P2RX1: variants seen among roughly 807,000 people sequenced by gnomAD.
The protein encoded by P2RX1 is purinergic receptor P2X 1, also known as P2X purinoceptor 1.
Under a neutral mutation model 50.3 loss-of-function variants are expected in P2RX1, and 42 were observed. The ratio of observed to expected loss-of-function variants is 0.83; its 90% CI spans 0.65 to 1.08. The LOEUF (loss-of-function observed/expected upper bound fraction) is 1.08. P2RX1 is among the 50% of genes least tolerant of loss of function. P2RX1 has a pLI of 0.00. For missense variants in P2RX1, 449 were observed against 529.0 expected (o/e 0.85, Z 1.48); for synonymous variants, 199 against 202.6 (o/e 0.98, Z 0.15).
intron 1 of P2RX1, among the ~76,000 whole-genome samples, chr17:3,912,728 T>C (rs1280368562): frequency 1.3e-5 from 2 of 152,134 alleles, no homozygotes; most frequent in Admixed American, 6.5e-5. Context: ...CTCTCTCCAT[T>C]CCATGTCCCA....
At chr17:3,904,582 C>T (rs963356005) in intron 3 of P2RX1, 183 bp from the exon 4 acceptor site, 14 of 661,102 alleles carry the variant, frequency 2.1e-5, no homozygotes, top group African/African-American at 5.4e-5. Flanking sequence ...AGGCGCCCCC[C>T]GGGCTCATGC....
At chr17:3,901,325 C>T (rs2056140930) in intron 7 of P2RX1, among the ~76,000 whole-genome samples, 1 of 152,222 alleles carries the variant, frequency 6.6e-6, no homozygotes, top group South Asian at 2.1e-4. Context: ...CCTTGGCCTC[C>T]CAAAGTGCTG....
chr17:3,904,955 T>TGG, intron 2 of P2RX1, 26 bp from the exon 3 acceptor site: 1 of 152,494 alleles, frequency 6.6e-6, no homozygotes, highest in Admixed American at 1.0e-4. Context: ...AGGGGGAGGG[T>TGG]GGGGTGGGCT....
chr17:3,911,948 A>G (rs1262041503), intron 1 of P2RX1, among the ~76,000 whole-genome samples: 1 of 152,216 alleles, frequency 6.6e-6, no homozygotes, highest in East Asian at 1.9e-4. Flanking sequence ...CCGGCCAATA[A>G]GAATTGAACC....
intron 1 of P2RX1, among the ~76,000 whole-genome samples, chr17:3,908,955 A>G (rs1363520042): frequency 6.6e-6 from 1 of 152,214 alleles, no homozygotes; most frequent in Non-Finnish European, 1.5e-5. Flanking sequence ...TTAAGTGTTT[A>G]GTGAGGCTCT....
At chr17:3,912,622 C>T (rs1347875727) in intron 1 of P2RX1, among the ~76,000 whole-genome samples, 1 of 152,234 alleles carries the variant, frequency 6.6e-6, no homozygotes, top group East Asian at 1.9e-4. Flanking sequence ...TGAGCCAACG[C>T]ACCCGGCCCA....
chr17:3,912,191 T>A (rs2056377012), intron 1 of P2RX1, among the ~76,000 whole-genome samples: 2 of 152,078 alleles, frequency 1.3e-5, no homozygotes, highest in Admixed American at 1.3e-4. Flanking sequence ...TCATCCCCTC[T>A]CCCCTCTAAA....
In P2RX1 at chr17:3,898,989, T is replaced by C; in HGVS notation, c.911A>G (p.Tyr304Cys). The C allele has an allele frequency of 6.2e-7, 1 of 1,613,186 alleles. No homozygotes were observed. The highest frequency in any genetic ancestry group is 8.5e-7 in the Non-Finnish European group (1 of 1,179,750). The change falls in exon 9 of 12, where the codon TAC becomes TGC. Residue 304 changes from tyrosine to cysteine, a missense_variant. Transcript: ENST00000225538. ...ARHFVENGTNYRHLFKVFGIR... is the reference protein window; with the variant it reads ...ARHFVENGTNCRHLFKVFGIR... ...CCCAAACACCTTGAAGAGGTGACGG[T>C]AGTTGGTCCCGTTCTCCACAAAGTG...
Position 3,908,345 on chromosome 17 carries a change from G to T in P2RX1, c.138-2978C>A, listed in dbSNP as rs370509973. Among the ~76,000 whole-genome samples the T allele has an allele frequency of 1.0e-3, 158 of 152,306 alleles. 3 individuals are homozygous for T. In the East Asian group the frequency reaches 0.021, roughly 20 times the overall value. On this transcript the variant is annotated intron_variant, in intron 1 of 11. Transcript: ENST00000225538. Reference sequence around the variant, plus strand: ...GGAGGCCAAGGCAGGTGGATCACCTGAGGTCAGGAGTTCAAGACCAGCTTG... The same window carrying T: ...GGAGGCCAAGGCAGGTGGATCACCTTAGGTCAGGAGTTCAAGACCAGCTTG...
intron 1 of P2RX1, among the ~76,000 whole-genome samples, chr17:3,911,285 G>A (rs2056357980): frequency 6.7e-6 from 1 of 149,912 alleles, no homozygotes; most frequent in Non-Finnish European, 1.5e-5. Context: ...ATGGCACCCG[G>A]TCTGTTTTTC....
intron 7 of P2RX1, among the ~76,000 whole-genome samples, chr17:3,901,361 C>T (rs2056143276): frequency 1.3e-5 from 2 of 152,218 alleles, no homozygotes; most frequent in South Asian, 2.1e-4. Context: ...GCCACCGCAC[C>T]CAGCCCTGAT....
rs180737756 is a variant in P2RX1, at chr17:3,901,359, A to G, written c.748-1598T>C. Among the ~76,000 whole-genome samples the G allele has an allele frequency of 2.3e-3, 348 of 152,184 alleles. 2 individuals carry two copies. Among genetic ancestry groups the G allele is most frequent in the South Asian group, 0.022 (105 of 4,820 alleles). ...TGGGATTACAGGCGTGAGCCACCGCACCCAGCCCTGATGACAGGGAGATTT... is the reference window on the plus strand; with the variant it reads ...TGGGATTACAGGCGTGAGCCACCGCGCCCAGCCCTGATGACAGGGAGATTT... On this transcript the variant is annotated intron_variant, in intron 7 of 11. Coordinates refer to ENST00000225538, the MANE Select transcript of P2RX1 (RefSeq NM_002558.4).
At chr17:3,909,955 A>G (rs545043356) in intron 1 of P2RX1, among the ~76,000 whole-genome samples, 1 of 145,296 alleles carries the variant, frequency 6.9e-6, no homozygotes, top group South Asian at 2.3e-4. Flanking sequence ...CAATGTGGTG[A>G]TGTCCTGATA....
In P2RX1 at chr17:3,899,723, G is replaced by A. The variant is rs562395128; in HGVS notation, c.786C>T (p.Asp262=). The change falls in exon 8 of 12, where the codon GAC becomes GAT. Residue 262 remains aspartate (D), a synonymous_variant. Coordinates refer to ENST00000225538, the MANE Select transcript of P2RX1 (RefSeq NM_002558.4). ...TGCAGTGCCGTACGTGCCAGTCCAG[G>A]TCACAGTGCCAGTCGATGGTGATGC... The part of the protein sequence containing the change: ...VVGITIDWHC[D]LDWHVRHCRP... 320 of 1,613,886 alleles carry A rather than the reference G, an allele frequency of 2.0e-4. No homozygotes were observed. The highest frequency in any genetic ancestry group is 2.7e-4 in the Non-Finnish European group (316 of 1,179,932).
chr17:3,903,743 C>G lies in P2RX1; in HGVS notation c.525-112G>C. The G allele has an allele frequency of 7.9e-7, 1 of 1,266,426 alleles. No homozygotes were observed. The highest frequency in any genetic ancestry group is 1.1e-6 in the Non-Finnish European group (1 of 873,100). The allele number at this position is 1,266,426 out of a possible 1,614,324, so 78.4% of individuals were successfully genotyped here. A position where few individuals can be genotyped will look rare whatever the true frequency, so the allele number is the denominator to read the frequency against. On this transcript the variant is annotated intron_variant, in intron 5 of 11. Transcript: ENST00000225538. The surrounding 1 kb of genome is among the most constrained non-coding windows in gnomAD (Gnocchi z 4.6). The stretch of plus-strand genomic sequence containing the variant: ...CGAGCCTCCGGGACCCGCCTGCAGC[C>G]CTGGGCTGGTGGAGGGGTGGGTGTG...
intron 3 of P2RX1, chr17:3,904,626 G>A: frequency 1.6e-6 from 1 of 629,262 alleles, no homozygotes. Context: ...GCTGGGCGGT[G>A]GGGGTGGGCA....
intron 1 of P2RX1, chr17:3,915,661 A>G (rs2052391314): frequency 2.2e-6 from 1 of 460,006 alleles, no homozygotes; most frequent in African/African-American, 2.0e-5. Flanking sequence ...AGCTGGCAGC[A>G]GAGTCTGTCT....
chr17:3,908,326 C>A (rs2056304248), intron 1 of P2RX1, among the ~76,000 whole-genome samples: 1 of 152,106 alleles, frequency 6.6e-6, no homozygotes, highest in African/African-American at 2.4e-5. Context: ...TTTGGGAGGC[C>A]AAGGCAGGTG....
Position 3,905,260 on chromosome 17 carries a change from G to C in P2RX1, c.245C>G (p.Pro82Arg), listed in dbSNP as rs1277645414. The change falls in exon 2 of 12, where the codon CCC (proline) becomes CGC (arginine). Residue 82 changes from proline to arginine, a missense_variant. Transcript: ENST00000225538. Reference protein sequence around the residue: ...LAVTQLPGLGPQVWDVADYVF... With the variant: ...LAVTQLPGLGRQVWDVADYVF... ...GTAGTCAGCCACATCCCAGACCTGG[G>C]GGCCGAGGCCAGGGAGCTGGGTCAC... 6.2e-7 allele frequency: 1 copy of C among 1,613,640 alleles called. No individual in the cohort carries two copies. The highest frequency in any genetic ancestry group is 2.2e-5 in the East Asian group (1 of 44,896).
Sources: gnomAD v4.1 joint callset for allele counts (sites outside exome capture counted in the v4.1 genomes callset) on GRCh38, gnomAD v4.1.1 for gene constraint, Gnocchi (gnomAD v3.1) non-coding constraint, MANE v1.5 for transcripts, NCBI Gene and HGNC (gene_info 2026-07-23, HGNC 2026-07-21) for gene names.